The following PTK2 variants were observed in gnomAD, a reference collection of about 807,000 sequenced individuals.
The protein encoded by PTK2 is focal adhesion kinase 1.
Under a neutral mutation model 150.1 loss-of-function variants are expected in PTK2, and 45 were observed. The ratio of observed to expected loss-of-function variants is 0.30; its 90% CI spans 0.24 to 0.38. PTK2 has a LOEUF of 0.38. PTK2 is among the 10% of genes least tolerant of loss of function. PTK2 has a pLI of 1.00. For missense variants in PTK2, 919 were observed against 1,307.3 expected, an observed-to-expected ratio of 0.70 and a Z score of 4.58; for synonymous variants, 432 against 449.2, an observed-to-expected ratio of 0.96 and a Z score of 0.48.
At chr8:140,919,713 A>C (rs1407729623) in intron 2 of PTK2, among the ~76,000 whole-genome samples, 1 of 152,192 alleles carries the variant, frequency 6.6e-6, no homozygotes, top group East Asian at 1.9e-4. Flanking sequence ...TAAAATTTTA[A>C]AAAGTTCCCA....
intron 2 of PTK2, among the ~76,000 whole-genome samples, chr8:140,920,105 CAA>C (rs2100166833): frequency 6.6e-6 from 1 of 151,606 alleles, no homozygotes; most frequent in South Asian, 2.1e-4. Context: ...GAAATAATAA[CAA>C]AAAATATTTA....
intron 2 of PTK2, among the ~76,000 whole-genome samples, chr8:140,922,392 C>T (rs1252840205): frequency 6.6e-6 from 1 of 151,808 alleles, no homozygotes; most frequent in Non-Finnish European, 1.5e-5. Context: ...ACAGAGGAAA[C>T]AAGCAACTAG....
At chr8:140,931,220 T>G (rs1454031170) in intron 1 of PTK2, among the ~76,000 whole-genome samples, 1 of 152,222 alleles carries the variant, frequency 6.6e-6, no homozygotes, top group African/African-American at 2.4e-5. Flanking sequence ...TCACTGTTCC[T>G]AATTGTTTGT....
At chr8:140,720,987 C>G (rs1206643154) in intron 22 of PTK2, among the ~76,000 whole-genome samples, 1 of 152,020 alleles carries the variant, frequency 6.6e-6, no homozygotes, top group Non-Finnish European at 1.5e-5. Flanking sequence ...AAACTCCTGA[C>G]CTCAAGTGAT....
chr8:140,725,798 C>G (rs1031329244), intron 22 of PTK2, among the ~76,000 whole-genome samples: 1 of 151,454 alleles, frequency 6.6e-6, no homozygotes, highest in Non-Finnish European at 1.5e-5. Context: ...TGCTACCTAC[C>G]CATCAGCCAC....
intron 1 of PTK2, among the ~76,000 whole-genome samples, chr8:140,964,660 C>T (rs866267623): frequency 6.6e-6 from 1 of 151,382 alleles, no homozygotes; most frequent in Non-Finnish European, 1.5e-5. Flanking sequence ...CCTCTCTCCG[C>T]CTCCCAAAGT....
chr8:140,841,220 G>A (rs946120351), intron 7 of PTK2, among the ~76,000 whole-genome samples: 4 of 152,054 alleles, frequency 2.6e-5, no homozygotes, highest in Non-Finnish European at 4.4e-5. Context: ...ACAACAAAAT[G>A]TTAATAACTG....
intron 1 of PTK2, among the ~76,000 whole-genome samples, chr8:140,991,559 T>C (rs1569546376): frequency 6.6e-6 from 1 of 152,156 alleles, no homozygotes; most frequent in Non-Finnish European, 1.5e-5. Flanking sequence ...GTGAGGGCAA[T>C]CTCCTTAGCA....
At chr8:140,792,808 G>A (rs928753968) in intron 13 of PTK2, among the ~76,000 whole-genome samples, 3 of 152,176 alleles carry the variant, frequency 2.0e-5, no homozygotes, top group African/African-American at 7.2e-5. Flanking sequence ...TTACCACACA[G>A]CTATAACTGT....
At chr8:140,855,986 C>A (rs983565677) in intron 5 of PTK2, among the ~76,000 whole-genome samples, 2 of 151,870 alleles carry the variant, frequency 1.3e-5, no homozygotes, top group Admixed American at 6.6e-5. Flanking sequence ...AAAAAGCGTA[C>A]GATTTTACAA....
At chr8:141,000,087 T>TCTCACACACACACACACACACACACA (rs765058833) in intron 1 of PTK2, among the ~76,000 whole-genome samples, 8 of 81,650 alleles carry the variant, frequency 9.8e-5, no homozygotes, top group South Asian at 4.3e-4. Flanking sequence ...TGAAACCAAT[T>TCTCACACACACACACACACACACACA]CACACACACA....
At chr8:140,779,017 T>G (rs2100080074) in intron 14 of PTK2, among the ~76,000 whole-genome samples, 1 of 151,910 alleles carries the variant, frequency 6.6e-6, no homozygotes, top group Non-Finnish European at 1.5e-5. Context: ...TCCCAGCACT[T>G]TGGGAGGCCA....
At chr8:140,687,774 T>C (rs915812462) in intron 26 of PTK2, among the ~76,000 whole-genome samples, 13 of 152,132 alleles carry the variant, frequency 8.5e-5, no homozygotes, top group African/African-American at 2.9e-4. Flanking sequence ...CAGGGTGTAG[T>C]AGGAAGTTGG....
chr8:140,667,561 A>G (rs947633936), intron 30 of PTK2, among the ~76,000 whole-genome samples: 4 of 151,738 alleles, frequency 2.6e-5, no homozygotes, highest in African/African-American at 9.7e-5. Flanking sequence ...TCAGCCTCCC[A>G]AAGTTCTGGG....
chr8:140,666,611 C>A (rs974963698), intron 30 of PTK2, among the ~76,000 whole-genome samples: 2 of 151,998 alleles, frequency 1.3e-5, no homozygotes, highest in African/African-American at 2.4e-5. Flanking sequence ...CAAAATAACC[C>A]CCCAGAAAAT....
chr8:140,694,412 TA>T (rs1195234632), intron 26 of PTK2, among the ~76,000 whole-genome samples: 1 of 152,194 alleles, frequency 6.6e-6, no homozygotes, highest in African/African-American at 2.4e-5. Flanking sequence ...AAGTCTGGCT[TA>T]TATTTTTATG....
chr8:140,979,994 A>G (rs1437991394), intron 1 of PTK2, among the ~76,000 whole-genome samples: 5 of 152,170 alleles, frequency 3.3e-5, no homozygotes, highest in Non-Finnish European at 5.9e-5. Flanking sequence ...TGGTGATATA[A>G]ATTGGTATAA....
intron 23 of PTK2, among the ~76,000 whole-genome samples, chr8:140,710,132 C>T (rs958595010): frequency 2.0e-5 from 3 of 150,678 alleles, no homozygotes; most frequent in South Asian, 4.2e-4. Flanking sequence ...CTAGGCAACA[C>T]GGTGAAAAAA....
At chr8:140,771,300 T>G (rs571244144) in intron 14 of PTK2, 1 of 152,304 alleles carries the variant, frequency 6.6e-6, no homozygotes, top group African/African-American at 2.4e-5. Context: ...AAACTGGCGA[T>G]GAGGATCTTT....
Sources: allele counts gnomAD v4.1 joint callset (sites outside exome capture counted in the v4.1 genomes callset), GRCh38; gene constraint gnomAD v4.1.1; transcripts MANE v1.5; gene names NCBI Gene and HGNC (gene_info 2026-07-23, HGNC 2026-07-21).